Variants in DRG2 observed in about 807,000 individuals in gnomAD.
DRG2 encodes the protein developmentally regulated GTP binding protein 2, also known as developmentally-regulated GTP-binding protein 2.
DRG2 carries 36 observed loss-of-function variants against 53.4 expected under a neutral mutation model. That is an observed-to-expected ratio of 0.67 (90% CI 0.52 to 0.89). The LOEUF is 0.89. DRG2 is among the 40% of genes least tolerant of loss of function. DRG2 has a pLI of 0.00. For missense variants in DRG2, 342 were observed against 481.2 expected, an observed-to-expected ratio of 0.71 and a Z score of 2.71; for synonymous variants, 167 against 192.1, an observed-to-expected ratio of 0.87 and a Z score of 1.08.
At chr17:18,089,911 G>C (rs2045283611) in intron 1 of DRG2, among the ~76,000 whole-genome samples, 1 of 152,106 alleles carries the variant, frequency 6.6e-6, no homozygotes, top group Admixed American at 6.6e-5. Context: ...ACTCTGGGTT[G>C]TGTTCTAAGG....
At position 18,099,537 on chromosome 17, in the gene DRG2, T is replaced by C; in HGVS notation, c.377-96T>C. The C allele has an allele frequency of 8.1e-7, 1 of 1,230,602 alleles. No homozygotes were observed. The highest frequency in any genetic ancestry group is 1.2e-6 in the Non-Finnish European group (1 of 854,764). 76.2% of individuals were successfully genotyped at this position (1,230,602 alleles called of 1,614,324 possible). On this transcript the variant is annotated intron_variant, in intron 4 of 12. Coordinates refer to ENST00000225729, the MANE Select transcript of DRG2 (RefSeq NM_001388.5). The surrounding 1 kb of genome is among the most constrained non-coding windows in gnomAD (Gnocchi z 4.4). ...TTGTGCTAGTATGTGGCAGAGGCTG[T>C]GGTAGGTCTGTAAAGGACAGGAGTC...
rs957593674 is a variant in DRG2 at position 18,107,612 on chromosome 17, C to T, written c.*372C>T. Reference sequence around the variant, plus strand: ...CTGGTAGCTGGGCCTGTTTGGGTCCCTGGAGGCTGTGGCTGCTGTCATGGC... The same window carrying T: ...CTGGTAGCTGGGCCTGTTTGGGTCCTTGGAGGCTGTGGCTGCTGTCATGGC... On this transcript the variant is annotated 3_prime_UTR_variant, in exon 13 of 13. Transcript: ENST00000225729. 2 of 238,390 alleles carry T rather than the reference C, an allele frequency of 8.4e-6. No individual in the cohort carries two copies. Among genetic ancestry groups the T allele is most frequent in the African/African-American group, 4.4e-5 (2 of 45,134 alleles). 14.8% of individuals were successfully genotyped at this position (238,390 alleles called of 1,614,324 possible). A position where few individuals can be genotyped will look rare whatever the true frequency, so the allele number is the denominator to read the frequency against.
Position 18,101,522 on chromosome 17 carries a change from GAA to G in DRG2, c.662_663del (p.Glu221GlyfsTer25). 1 of 1,614,198 alleles carries G rather than the reference GAA, an allele frequency of 6.2e-7. No homozygotes were observed. Among genetic ancestry groups the G allele is most frequent in the East Asian group, 2.2e-5 (1 of 44,882 alleles). On this transcript the variant is annotated frameshift_variant, in exon 8 of 13. Transcript: ENST00000225729. LOFTEE classifies it high-confidence loss of function. ...CTTCAATGCAGAAGTGCTTTTCCGAGAAGACTGCTCCCCGGACGAGTTCATCG... is the reference window on the plus strand; with the variant it reads ...CTTCAATGCAGAAGTGCTTTTCCGAGGACTGCTCCCCGGACGAGTTCATCG... ...KIFNAEVLFR[E>X]DCSPDEFIDV... is the part of the protein sequence containing the mutation.
intron 11 of DRG2, 42 bp from the exon 12 acceptor site, chr17:18,106,391 G>A (rs768794995): frequency 6.2e-7 from 1 of 1,612,562 alleles, no homozygotes; most frequent in Non-Finnish European, 8.5e-7. Context: ...ATGGGGTTAG[G>A]TGAAGCCTCA....
Position 18,098,701 on chromosome 17 carries a change from G to A in DRG2, c.316-316G>A, listed in dbSNP as rs1385577025. Among the ~76,000 whole-genome samples the A allele has an allele frequency of 6.6e-6, 1 of 152,248 alleles. No homozygotes were observed. Among genetic ancestry groups the A allele is most frequent in the Non-Finnish European group, 1.5e-5 (1 of 68,044 alleles). ...ATGAAGCTTCACTGCCTTGGGCTGT[G>A]TTTGCTTTGGGCAGCTGAGTGGTAT... is the stretch of plus-strand genomic sequence containing the variant. On this transcript the variant is annotated intron_variant, in intron 3 of 12. Transcript: ENST00000225729. This position sits in a 1 kb window ranked among gnomAD's most constrained non-coding sequence, Gnocchi z 4.1.
At position 18,098,877 on chromosome 17, in the gene DRG2, C is replaced by T. The variant is rs1406841668; in HGVS notation, c.316-140C>T. 2.2e-6 allele frequency: 2 copies of T among 904,624 alleles called. No individual in the cohort carries two copies. Among genetic ancestry groups the T allele is most frequent in the Admixed American group, 2.3e-5 (1 of 43,136 alleles). The allele number at this position is 904,624 out of a possible 1,614,324, so 56.0% of individuals were successfully genotyped here. ...GCACTGGGCTGGGGTGGTGACAAGG[C>T]TCAGACTTGGCCACAGGTTGGCATC... On this transcript the variant is annotated intron_variant, in intron 3 of 12. Coordinates refer to ENST00000225729, the MANE Select transcript of DRG2 (RefSeq NM_001388.5). The surrounding 1 kb of genome is among the most constrained non-coding windows in gnomAD (Gnocchi z 4.1).
chr17:18,100,526 C>T lies in DRG2; in HGVS notation c.541-43C>T, dbSNP rs547721546. 6.2e-7 allele frequency: 1 copy of T among 1,613,316 alleles called. No individual in the cohort carries two copies. Among genetic ancestry groups the T allele is most frequent in the Non-Finnish European group, 8.5e-7 (1 of 1,179,260 alleles). On this transcript the variant is annotated intron_variant, in intron 6 of 12. Transcript: ENST00000225729. The surrounding 1 kb of genome is among the most constrained non-coding windows in gnomAD (Gnocchi z 4.1). Reference sequence around the variant, plus strand: ...TGAGGCTGTGGGACCATTGCTGTGACCCCTCGGTCAGCAGTTCTCCCCATC... The same window carrying T: ...TGAGGCTGTGGGACCATTGCTGTGATCCCTCGGTCAGCAGTTCTCCCCATC...
At chr17:18,090,503 G>A (rs1209650548) in intron 1 of DRG2, among the ~76,000 whole-genome samples, 1 of 132,206 alleles carries the variant, frequency 7.6e-6, no homozygotes, top group Non-Finnish European at 1.5e-5. Flanking sequence ...CGCAACCTCC[G>A]CCTCCCAGGT....
chr17:18,091,350 C>G (rs1421155660), intron 1 of DRG2, among the ~76,000 whole-genome samples: 2 of 152,174 alleles, frequency 1.3e-5, no homozygotes, highest in Non-Finnish European at 1.5e-5. Flanking sequence ...CTTTGGGAGG[C>G]CGAGGTGGGT....
intron 1 of DRG2, chr17:18,091,962 A>G (rs2045342221): frequency 6.6e-6 from 1 of 152,224 alleles, no homozygotes; most frequent in Admixed American, 6.5e-5. Flanking sequence ...CCAAAGTAAA[A>G]TGGCCCCACT....
In DRG2 at chr17:18,098,368, G is replaced by A. The variant is rs112456807; in HGVS notation, c.315+9G>A. The A allele has an allele frequency of 4.3e-6, 7 of 1,612,682 alleles. No homozygotes were observed. The highest frequency in any genetic ancestry group is 5.1e-6 in the Non-Finnish European group (6 of 1,178,774). On this transcript the variant is annotated intron_variant, in intron 3 of 12. Coordinates refer to ENST00000225729, the MANE Select transcript of DRG2 (RefSeq NM_001388.5). The surrounding 1 kb of genome is among the most constrained non-coding windows in gnomAD (Gnocchi z 4.1). ...TTCCTGGGGTCATTGAAGTAAGTGGGTGTGCTGGGCCCAGAAGGAGAAGGG... is the reference window on the plus strand; with the variant it reads ...TTCCTGGGGTCATTGAAGTAAGTGGATGTGCTGGGCCCAGAAGGAGAAGGG...
Position 18,098,158 on chromosome 17 carries a change from G to A in DRG2, c.226-112G>A. 2.4e-6 allele frequency: 2 copies of A among 825,182 alleles called. No homozygotes were observed. Among genetic ancestry groups the A allele is most frequent in the Non-Finnish European group, 2.0e-6 (1 of 496,812 alleles). The allele number at this position is 825,182 out of a possible 1,614,324, so 51.1% of individuals were successfully genotyped here. On this transcript the variant is annotated intron_variant, in intron 2 of 12. Transcript: ENST00000225729. This position sits in a 1 kb window ranked among gnomAD's most constrained non-coding sequence, Gnocchi z 4.1. ...ACAGCCACCTAGGTCACCAAGCCGA[G>A]GGTGAGAGGGTCTCCTCCTGCTGCC...
rs563694091 is a variant in DRG2 at position 18,094,412 on chromosome 17, G to A, written c.225+439G>A. ...GACAGGGTGAAGGTCTGCTAGTTAC[G>A]ACAGGTCCCGGCAGGTTTCTCTGGT... On this transcript the variant is annotated intron_variant, in intron 2 of 12. Coordinates refer to ENST00000225729, the MANE Select transcript of DRG2 (RefSeq NM_001388.5). 54 of 155,504 alleles carry A rather than the reference G, an allele frequency of 3.5e-4. No individual in the cohort carries two copies. The South Asian group carries it at 8.0e-3, about 23-fold the overall frequency. 9.6% of individuals were successfully genotyped at this position (155,504 alleles called of 1,614,324 possible). A position where few individuals can be genotyped will look rare whatever the true frequency, so the allele number is the denominator to read the frequency against.
intron 9 of DRG2, 43 bp downstream of exon 9, chr17:18,102,040 G>A: frequency 6.3e-7 from 1 of 1,585,328 alleles, no homozygotes; most frequent in Non-Finnish European, 8.6e-7. Flanking sequence ...CCTTGCTGTG[G>A]GTTCTGACCC....
In DRG2 at chr17:18,106,596, G is replaced by A; in HGVS notation, c.1008+110G>A. 28 of 1,266,014 alleles carry A rather than the reference G, an allele frequency of 2.2e-5. 1 individual carries two copies. In the South Asian group the frequency reaches 3.4e-4, roughly 15 times the overall value. 78.4% of individuals were successfully genotyped at this position (1,266,014 alleles called of 1,614,324 possible). ...TGCGTGGTGTTCCTGTCCTTCCTGT[G>A]GGGATTGGCATGTCTGTGTGTCTGT... On this transcript the variant is annotated intron_variant, in intron 12 of 12. Coordinates refer to ENST00000225729, the MANE Select transcript of DRG2 (RefSeq NM_001388.5).
Position 18,098,929 on chromosome 17 carries a change from G to C in DRG2, c.316-88G>C, listed in dbSNP as rs182747589. ...GGGTTTCCCTCAGCCCCTGAGCCCC[G>C]GGGCCATTCCAGATGTCCCAGATCC... On this transcript the variant is annotated intron_variant, in intron 3 of 12. Transcript: ENST00000225729. The surrounding 1 kb of genome is among the most constrained non-coding windows in gnomAD (Gnocchi z 4.1). 4 of 1,482,846 alleles carry C rather than the reference G, an allele frequency of 2.7e-6. No individual in the cohort carries two copies. In the East Asian group the frequency reaches 6.8e-5, roughly 25 times the overall value. The allele number at this position is 1,482,846 out of a possible 1,614,324, so 91.9% of individuals were successfully genotyped here. A position where few individuals can be genotyped will look rare whatever the true frequency, so the allele number is the denominator to read the frequency against.
chr17:18,097,904 C>T (rs533565873), intron 2 of DRG2: 39 of 179,652 alleles, frequency 2.2e-4, no homozygotes, highest in African/African-American at 8.2e-4. Flanking sequence ...ACTGGTTCCA[C>T]GAGTGCCGTG....
chr17:18,090,379 TATATATATATATATATATATATA>T (rs2045298080), intron 1 of DRG2, among the ~76,000 whole-genome samples: 4 of 10,620 alleles, frequency 3.8e-4, no homozygotes, highest in Non-Finnish European at 5.9e-4. Flanking sequence ...TATATATATA[TATATATATATATATATATATATA>T]TATATTTTTT....
chr17:18,094,542 G>A (rs2045392776), intron 2 of DRG2, among the ~76,000 whole-genome samples: 1 of 152,202 alleles, frequency 6.6e-6, no homozygotes, highest in African/African-American at 2.4e-5. Context: ...CCTTAGGCAG[G>A]TGCTCGCTTG....
Sources: gnomAD v4.1 joint callset for allele counts (sites outside exome capture counted in the v4.1 genomes callset) on GRCh38, gnomAD v4.1.1 for gene constraint, Gnocchi (gnomAD v3.1) non-coding constraint, MANE v1.5 for transcripts, NCBI Gene and HGNC (gene_info 2026-07-23, HGNC 2026-07-21) for gene names.